Variants in CDK14 observed in about 807,000 individuals in gnomAD.
CDK14 encodes cyclin-dependent kinase 14.
Under a neutral mutation model 60.7 loss-of-function variants are expected in CDK14, and 34 were observed. The ratio of observed to expected loss-of-function variants is 0.56; its 90% CI spans 0.43 to 0.75. CDK14 has a LOEUF of 0.75. CDK14 is among the 30% of genes least tolerant of loss of function. The probability of loss-of-function intolerance (pLI) is 0.00; values close to 1 mark genes in which losing one functional copy is unlikely to be tolerated. For missense variants in CDK14, 482 were observed against 564.1 expected (o/e 0.85, Z 1.47); for synonymous variants, 197 against 203.7 (o/e 0.97, Z 0.28).
At chr7:91,183,855 G>T (rs1463596736) in intron 14 of CDK14, among the ~76,000 whole-genome samples, 1 of 151,986 alleles carries the variant, frequency 6.6e-6, no homozygotes, top group South Asian at 2.1e-4. Flanking sequence ...CAAATTTATT[G>T]AACACCTGGC....
chr7:91,034,962 A>ACG (rs1440548245), intron 10 of CDK14, among the ~76,000 whole-genome samples: 1 of 151,666 alleles, frequency 6.6e-6, no homozygotes, highest in Admixed American at 6.6e-5. Context: ...ACACACACAC[A>ACG]CACACACACA....
chr7:90,923,761 A>T (rs1347838888), intron 8 of CDK14, among the ~76,000 whole-genome samples: 1 of 152,266 alleles, frequency 6.6e-6, no homozygotes, highest in Non-Finnish European at 1.5e-5. Flanking sequence ...ATGCAAAAAC[A>T]TCATGTGTTT....
At chr7:90,736,320 T>G (rs1055817999) in intron 3 of CDK14, among the ~76,000 whole-genome samples, 5 of 147,068 alleles carry the variant, frequency 3.4e-5, no homozygotes, top group African/African-American at 1.0e-4. Flanking sequence ...TCCCCTGTTG[T>G]GATAAGAAGG....
chr7:91,202,219 G>A (rs1008545638), intron 14 of CDK14, among the ~76,000 whole-genome samples: 4 of 152,100 alleles, frequency 2.6e-5, no homozygotes, highest in Non-Finnish European at 5.9e-5. Flanking sequence ...TTATGGGTAC[G>A]GGCGATCCAA....
At chr7:90,946,956 C>A (rs1356222104) in intron 8 of CDK14, among the ~76,000 whole-genome samples, 1 of 152,192 alleles carries the variant, frequency 6.6e-6, no homozygotes, top group Non-Finnish European at 1.5e-5. Flanking sequence ...GCCTTCCACC[C>A]TTTCCATTTT....
chr7:90,826,728 A>G (rs1043700509), intron 5 of CDK14, among the ~76,000 whole-genome samples: 2 of 152,018 alleles, frequency 1.3e-5, no homozygotes, highest in African/African-American at 4.8e-5. Context: ...ATTTTTTAGA[A>G]CTGTTTTAGG....
At chr7:90,758,948 C>T (rs554024568) in intron 4 of CDK14, among the ~76,000 whole-genome samples, 92 of 151,216 alleles carry the variant, frequency 6.1e-4, no homozygotes, top group African/African-American at 2.0e-3. Context: ...CCCAGCTACT[C>T]GGAAGGCTGA....
At chr7:91,101,631 C>G (rs777195911) in intron 12 of CDK14, among the ~76,000 whole-genome samples, 1 of 152,096 alleles carries the variant, frequency 6.6e-6, no homozygotes, top group Non-Finnish European at 1.5e-5. Flanking sequence ...CAGTGTTAAA[C>G]AACTCTGTGT....
chr7:90,894,606 T>C lies in CDK14; in HGVS notation c.640-4685T>C, dbSNP rs116549438. ...CTAATGTATTTCCTTCCTCATAGTT[T>C]TGTTGTTTCATTTTAAACAAGAAGC... is the stretch of plus-strand genomic sequence containing the variant. On this transcript the variant is annotated intron_variant, in intron 6 of 14. Transcript: ENST00000380050. 5.7e-3 allele frequency among the ~76,000 whole-genome samples: 866 copies of C among 152,310 alleles called. 11 individuals carry two copies. The highest frequency in any genetic ancestry group is 0.018 in the African/African-American group (762 of 41,580).
chr7:90,798,966 A>C (rs3808231), intron 5 of CDK14, among the ~76,000 whole-genome samples: 31,182 of 152,122 alleles, frequency 0.2, 3,340 homozygotes, highest in South Asian at 0.24. Flanking sequence ...AAGACAGTGG[A>C]TAAAATGTCT....
At chr7:90,716,805 C>T (rs1437402880) in intron 2 of CDK14, among the ~76,000 whole-genome samples, 1 of 151,936 alleles carries the variant, frequency 6.6e-6, no homozygotes, top group Non-Finnish European at 1.5e-5. Context: ...CTAAATTTGC[C>T]CTCTCTACAA....
At chr7:90,863,787 C>T (rs1791088636) in intron 6 of CDK14, among the ~76,000 whole-genome samples, 1 of 151,534 alleles carries the variant, frequency 6.6e-6, no homozygotes, top group Admixed American at 6.6e-5. Context: ...TTAGAACTTC[C>T]AATTGCATAG....
chr7:90,716,266 A>G (rs1047191034), intron 2 of CDK14: 9 of 152,004 alleles, frequency 5.9e-5, no homozygotes, highest in Non-Finnish European at 1.3e-4. Context: ...TCACACCCAC[A>G]CCAAAGGAGG....
At chr7:90,702,090 T>A (rs1801798166) in intron 2 of CDK14, among the ~76,000 whole-genome samples, 1 of 152,130 alleles carries the variant, frequency 6.6e-6, no homozygotes, top group South Asian at 2.1e-4. Context: ...CAGCCCTCCT[T>A]AGACTGCAGT....
In CDK14 at chr7:90,973,951, T is replaced by A. The variant is rs112709768; in HGVS notation, c.948-10197T>A. On this transcript the variant is annotated intron_variant, in intron 9 of 14. Coordinates refer to ENST00000380050, the MANE Select transcript of CDK14 (RefSeq NM_001287135.2). ...CTGACTAGAATTCACCAGGCTGGAA[T>A]TTCCCAATCCTAGTAAGCCTGAGGG... Among the ~76,000 whole-genome samples the A allele has an allele frequency of 2.1e-3, 325 of 152,228 alleles. 1 individual carries two copies. The highest frequency in any genetic ancestry group is 7.4e-3 in the African/African-American group (308 of 41,550).
chr7:90,707,981 T>A (rs1230050712), intron 2 of CDK14, among the ~76,000 whole-genome samples: 1 of 152,144 alleles, frequency 6.6e-6, no homozygotes, highest in Non-Finnish European at 1.5e-5. Context: ...GATGAAAGAT[T>A]AAAGGAGAAA....
intron 10 of CDK14, among the ~76,000 whole-genome samples, chr7:91,009,495 T>A (rs1270777730): frequency 6.6e-6 from 1 of 152,192 alleles, no homozygotes; most frequent in Admixed American, 6.5e-5. Flanking sequence ...ACCAGCAGTG[T>A]ATGAGTTCCA....
At chr7:90,769,942 A>G (rs1257481802) in intron 4 of CDK14, among the ~76,000 whole-genome samples, 1 of 152,234 alleles carries the variant, frequency 6.6e-6, no homozygotes, top group Non-Finnish European at 1.5e-5. Flanking sequence ...TCCAAGGAAA[A>G]GCCATATAAA....
intron 8 of CDK14, among the ~76,000 whole-genome samples, chr7:90,952,286 G>C (rs1040109120): frequency 9.9e-5 from 15 of 152,092 alleles, no homozygotes; most frequent in African/African-American, 3.4e-4. Context: ...ATGCCAGAGG[G>C]TAGAACCAGG....
Sources: allele counts gnomAD v4.1 joint callset (sites outside exome capture counted in the v4.1 genomes callset), GRCh38; gene constraint gnomAD v4.1.1; transcripts MANE v1.5; gene names NCBI Gene and HGNC (gene_info 2026-07-23, HGNC 2026-07-21).